COMP: variants seen among roughly 807,000 people sequenced by gnomAD.
COMP encodes the protein cartilage oligomeric matrix protein.
In COMP, 79 loss-of-function variants were observed where a neutral mutation model predicts 95.8. The observed-to-expected ratio is 0.82, with a 90% CI of 0.69 to 0.99. The LOEUF (loss-of-function observed/expected upper bound fraction) is 0.99, where lower values mean the gene tolerates loss of function less well. Among genes scored for constraint, COMP ranks in the 50% least tolerant of loss-of-function variants. The probability of loss-of-function intolerance (pLI) is 0.00; values close to 1 mark genes in which losing one functional copy is unlikely to be tolerated. For synonymous variants in COMP, 438 were observed against 433.9 expected (o/e 1.01, Z -0.12); for missense variants, 906 against 1,076.1 (o/e 0.84, Z 2.21).
intron 9 of COMP, 130 bp from the exon 10 acceptor site, chr19:18,787,780 C>T: frequency 1.7e-6 from 2 of 1,201,532 alleles, no homozygotes; most frequent in Admixed American, 1.9e-5. Context: ...CCACGGAGGC[C>T]ACGCCCCTCA....
At chr19:18,783,218 T>C (rs1226317120) in intron 17 of COMP, 25 bp from the exon 18 acceptor site, 2 of 1,603,678 alleles carry the variant, frequency 1.2e-6, no homozygotes, top group Non-Finnish European at 8.5e-7. Flanking sequence ...TGGTGAGGCC[T>C]GGGGGACCTG....
In COMP at chr19:18,789,679, C is replaced by A. The variant is rs2055196955; in HGVS notation, c.390+263G>T. Among the ~76,000 whole-genome samples, 1 of 151,024 alleles carries A rather than the reference C, an allele frequency of 6.6e-6. No individual in the cohort carries two copies. Among genetic ancestry groups the A allele is most frequent in the African/African-American group, 2.4e-5 (1 of 41,090 alleles). On this transcript the variant is annotated intron_variant, in intron 4 of 18. Transcript: ENST00000222271. This position sits in a 1 kb window ranked among gnomAD's most constrained non-coding sequence, Gnocchi z 6.1. ...CGAGGAGGGTAGCTGGGGCGGACCA[C>A]CCCTGGCGGTGAGGGAGTCGTCGGG...
intron 17 of COMP, among the ~76,000 whole-genome samples, chr19:18,783,821 G>C (rs2055144333): frequency 6.6e-6 from 1 of 152,154 alleles, no homozygotes; most frequent in African/African-American, 2.4e-5. Flanking sequence ...TGTTGGCCAG[G>C]CTGGTCTCAA....
rs2055191541 is a variant in COMP, at chr19:18,789,062, C to T, written c.528+98G>A. On this transcript the variant is annotated intron_variant, in intron 5 of 18. Transcript: ENST00000222271. The surrounding 1 kb of genome is among the most constrained non-coding windows in gnomAD (Gnocchi z 6.1). Reference sequence around the variant, plus strand: ...GCAGCGGACCCCTCCTCTCCCCACCCCTCCCGCTGGAAGGAGGCTGGAAGA... The same window carrying T: ...GCAGCGGACCCCTCCTCTCCCCACCTCTCCCGCTGGAAGGAGGCTGGAAGA... The T allele has an allele frequency of 3.2e-6, 5 of 1,545,940 alleles. No homozygotes were observed. In the East Asian group the frequency reaches 6.9e-5, roughly 21 times the overall value.
rs776212021 is a variant in COMP at position 18,786,289 on chromosome 19, C to G, written c.1257G>C (p.Ala419=). ...CTCCCACAAAGTCGTGGTCCACATC[C>G]GCCTGCGGAGGGCAGCATGCGGGGG... The part of the protein sequence containing the change: ...NCPQKSNPDQ[A]DVDHDFVGDA... The change falls in exon 12 of 19, where the codon GCG becomes GCC. Residue 419 remains alanine (A), a splice_region_variant and synonymous_variant. Transcript: ENST00000222271. The G allele has an allele frequency of 6.2e-7, 1 of 1,613,930 alleles. No individual in the cohort carries two copies. The highest frequency in any genetic ancestry group is 8.5e-7 in the Non-Finnish European group (1 of 1,180,034).
Position 18,790,117 on chromosome 19 carries a change from G to A in COMP, c.218-3C>T. 1 of 1,527,058 alleles carries A rather than the reference G, an allele frequency of 6.5e-7. No homozygotes were observed. The highest frequency in any genetic ancestry group is 8.8e-7 in the Non-Finnish European group (1 of 1,139,142). 94.6% of individuals were successfully genotyped at this position (1,527,058 alleles called of 1,614,324 possible). ...GGTGCGTACTGACTGCTGCATCCCT[G>A]CGGGGGGGAGGGGGGAGAAGCGGCG... On this transcript the variant is annotated splice_polypyrimidine_tract_variant and splice_region_variant and intron_variant, in intron 3 of 18. Transcript: ENST00000222271.
At chr19:18,787,064 T>C in intron 10 of COMP, 1 of 353,744 alleles carries the variant, frequency 2.8e-6, no homozygotes, top group Non-Finnish European at 5.3e-6. Context: ...AGCCACCCCG[T>C]CCGGCCCACA....
intron 13 of COMP, 43 bp from the exon 14 acceptor site, chr19:18,785,894 G>T (rs1364523719): frequency 1.9e-6 from 3 of 1,605,604 alleles, no homozygotes; most frequent in Non-Finnish European, 8.5e-7. Context: ...GTCAGGGCCC[G>T]CCCACCGTAG....
Position 18,789,839 on chromosome 19 carries a change from C to T in COMP, c.390+103G>A, listed in dbSNP as rs1405896282. ...GCGCCCCCGGAGGTGAGAGGCTCTT[C>T]GGGGCGAACACTCCCAGTGGAGGAA... On this transcript the variant is annotated intron_variant, in intron 4 of 18. Coordinates refer to ENST00000222271, the MANE Select transcript of COMP (RefSeq NM_000095.3). This position sits in a 1 kb window ranked among gnomAD's most constrained non-coding sequence, Gnocchi z 6.1. The T allele has an allele frequency of 2.8e-6, 4 of 1,406,590 alleles. No individual in the cohort carries two copies. The highest frequency in any genetic ancestry group is 2.9e-6 in the Non-Finnish European group (3 of 1,026,092). The allele number at this position is 1,406,590 out of a possible 1,614,324, so 87.1% of individuals were successfully genotyped here.
At chr19:18,787,973 G>T (rs2055181997) in intron 9 of COMP, among the ~76,000 whole-genome samples, 1 of 148,352 alleles carries the variant, frequency 6.7e-6, no homozygotes, top group South Asian at 2.1e-4. Context: ...GCGCGATCTC[G>T]GCTGACTGCA....
At chr19:18,783,407 A>G (rs574206569) in intron 17 of COMP, among the ~76,000 whole-genome samples, 3 of 152,308 alleles carry the variant, frequency 2.0e-5, no homozygotes, top group Admixed American at 2.0e-4. Context: ...TGCTAGCAGC[A>G]TGGAATGGAG....
At position 18,785,661 on chromosome 19, in the gene COMP, C is replaced by G; in HGVS notation, c.1668+12G>C. The G allele has an allele frequency of 6.2e-7, 1 of 1,613,468 alleles. No individual in the cohort carries two copies. Among genetic ancestry groups the G allele is most frequent in the Non-Finnish European group, 8.5e-7 (1 of 1,180,012 alleles). On this transcript the variant is annotated intron_variant, in intron 14 of 18. Transcript: ENST00000222271. ...AGGGTCCCATCACCCCCCACGTGGA[C>G]CCCGCTCCCACCTGGTTGAGCACCA...
intron 10 of COMP, 84 bp downstream of exon 10, chr19:18,787,407 A>T (rs1008231904): frequency 6.3e-7 from 1 of 1,588,304 alleles, no homozygotes; most frequent in Admixed American, 1.7e-5. Flanking sequence ...GGCTTCCAAA[A>T]CCAGCCAAGC....
At position 18,789,913 on chromosome 19, in the gene COMP, A is replaced by G. The variant is rs1375907380; in HGVS notation, c.390+29T>C. 3.8e-6 allele frequency: 6 copies of G among 1,592,952 alleles called. No homozygotes were observed. The African/African-American group carries it at 5.4e-5, about 14-fold the overall frequency. ...TTGGGGGGCGGTAGAGGGAGTCGTC[A>G]GGGCGGTGGAGTGTCGGGGCTAGCG... On this transcript the variant is annotated intron_variant, in intron 4 of 18. Coordinates refer to ENST00000222271, the MANE Select transcript of COMP (RefSeq NM_000095.3). This position sits in a 1 kb window ranked among gnomAD's most constrained non-coding sequence, Gnocchi z 6.1.
Position 18,786,726 on chromosome 19 carries a change from G to C in COMP, c.1136-76C>G, listed in dbSNP as rs866516146. On this transcript the variant is annotated intron_variant, in intron 10 of 18. Coordinates refer to ENST00000222271, the MANE Select transcript of COMP (RefSeq NM_000095.3). ...GACTTCATTAGGATGAGGCCAGCCTGAGGCTGGCCTGGAACAGAGTCCCAA... is the reference window on the plus strand; with the variant it reads ...GACTTCATTAGGATGAGGCCAGCCTCAGGCTGGCCTGGAACAGAGTCCCAA... 86 of 876,232 alleles carry C rather than the reference G, an allele frequency of 9.8e-5. 1 individual carries two copies. Among genetic ancestry groups the C allele is most frequent in the South Asian group, 5.6e-4 (42 of 75,006 alleles). The allele number at this position is 876,232 out of a possible 1,614,324, so 54.3% of individuals were successfully genotyped here.
At position 18,789,341 on chromosome 19, in the gene COMP, G is replaced by A. The variant is rs1363581670; in HGVS notation, c.391-44C>T. ...CAGAGGGTCAGAGGGCTTCGAGCTG[G>A]GCCCTGGGGGCCGCACCTCGTAGTG... On this transcript the variant is annotated intron_variant, in intron 4 of 18. Transcript: ENST00000222271. The surrounding 1 kb of genome is among the most constrained non-coding windows in gnomAD (Gnocchi z 6.1). 1 of 1,432,148 alleles carries A rather than the reference G, an allele frequency of 7.0e-7. No individual in the cohort carries two copies. The highest frequency in any genetic ancestry group is 2.6e-5 in the East Asian group (1 of 39,028). The allele number at this position is 1,432,148 out of a possible 1,614,324, so 88.7% of individuals were successfully genotyped here. A position where few individuals can be genotyped will look rare whatever the true frequency, so the allele number is the denominator to read the frequency against.
rs896909733 is a variant in COMP at position 18,790,860 on chromosome 19, A to G, written c.155T>C (p.Leu52Pro). Residue 52 changes from leucine to proline, a missense_variant, in exon 2 of 19, where the codon CTG becomes CCG. Physicochemically the swap from Leu to Pro is moderately conservative, Grantham distance 98. Coordinates refer to ENST00000222271, the MANE Select transcript of COMP (RefSeq NM_000095.3). ...ACCCGGGCCCCGCACCTGCTGCCGC[A>G]GCAGCTCCCGCACGTCCTGCAGCGC... ...NAALQDVREL[L>P]RQQVREITFL... 1 of 1,564,892 alleles carries G rather than the reference A, an allele frequency of 6.4e-7. No individual in the cohort carries two copies. The highest frequency in any genetic ancestry group is 8.6e-7 in the Non-Finnish European group (1 of 1,157,156).
At position 18,788,431 on chromosome 19, in the gene COMP, G is replaced by A; in HGVS notation, c.846C>T (p.Cys282=). 6.2e-7 allele frequency: 1 copy of A among 1,610,172 alleles called. No homozygotes were observed. Among genetic ancestry groups the A allele is most frequent in the Non-Finnish European group, 8.5e-7 (1 of 1,179,210 alleles). ...CCACCTTACGGCACTGGCGCTCCGG[G>A]CAGCGCAGCTTCTCGTCCGGGAAGC... ...LDGFPDEKLR[C]PERQCRKDNC... is the part of the protein sequence containing the mutation. Residue 282 remains cysteine (C), a synonymous_variant, in exon 8 of 19, where the codon TGC becomes TGT. Coordinates refer to ENST00000222271, the MANE Select transcript of COMP (RefSeq NM_000095.3). This position sits in a 1 kb window ranked among gnomAD's most constrained non-coding sequence, Gnocchi z 4.7.
intron 10 of COMP, chr19:18,786,999 C>A: frequency 2.9e-6 from 1 of 339,646 alleles, no homozygotes; most frequent in East Asian, 8.1e-5. Context: ...TCTCGAACTC[C>A]TGACCTCGTG....
Sources: allele counts gnomAD v4.1 joint callset (sites outside exome capture counted in the v4.1 genomes callset), GRCh38; gene constraint gnomAD v4.1.1; non-coding constraint Gnocchi (gnomAD v3.1); transcripts MANE v1.5; gene names NCBI Gene and HGNC (gene_info 2026-07-23, HGNC 2026-07-21).